Variants in COL11A1 observed in about 807,000 individuals in gnomAD.
COL11A1 encodes the protein collagen alpha-1(XI) chain.
Under a neutral mutation model 265.2 loss-of-function variants are expected in COL11A1, and 74 were observed. That is an observed-to-expected ratio of 0.28 (90% CI 0.23 to 0.34). The LOEUF (loss-of-function observed/expected upper bound fraction) is 0.34, where lower values mean the gene tolerates loss of function less well. Among genes scored for constraint, COL11A1 ranks in the 10% least tolerant of loss-of-function variants. The pLI, the probability that COL11A1 is intolerant of heterozygous loss-of-function variation, is 1.00. For synonymous variants in COL11A1, 816 were observed against 727.6 expected, an observed-to-expected ratio of 1.12 and a Z score of -1.96; for missense variants, 2,165 against 2,263.6, an observed-to-expected ratio of 0.96 and a Z score of 0.88.
intron 46 of COL11A1, among the ~76,000 whole-genome samples, chr1:102,926,375 A>ATG (rs140351698): frequency 4.7e-4 from 72 of 152,098 alleles, no homozygotes; most frequent in Non-Finnish European, 8.7e-4. Context: ...CACTCCATAT[A>ATG]TGTGTGTGTG....
In COL11A1 at chr1:103,001,980, A is replaced by G. The variant is rs888373125; in HGVS notation, c.2098-11T>C. On this transcript the variant is annotated splice_polypyrimidine_tract_variant and intron_variant, in intron 23 of 66. Transcript: ENST00000370096. ...TGGACCAGGAAGACCCTATTTTAAAAGAATTTATTTCATATATCAGATATC... is the reference window on the plus strand; with the variant it reads ...TGGACCAGGAAGACCCTATTTTAAAGGAATTTATTTCATATATCAGATATC... The G allele has an allele frequency of 2.5e-6, 4 of 1,609,836 alleles. No homozygotes were observed. Among genetic ancestry groups the G allele is most frequent in the Non-Finnish European group, 2.6e-6 (3 of 1,176,244 alleles).
intron 28 of COL11A1, 84 bp from the exon 29 acceptor site, chr1:102,989,655 T>C: frequency 3.1e-6 from 3 of 960,012 alleles, no homozygotes; most frequent in Admixed American, 4.0e-5. Context: ...ATTTATGTGC[T>C]GATAACGAGG....
At chr1:102,894,271 C>T (rs1249702111) in intron 57 of COL11A1, among the ~76,000 whole-genome samples, 2 of 152,084 alleles carry the variant, frequency 1.3e-5, no homozygotes, top group Non-Finnish European at 2.9e-5. Context: ...TGGTGGCTCA[C>T]GCCTGTAATC....
intron 4 of COL11A1, among the ~76,000 whole-genome samples, chr1:103,074,327 A>G (rs1671806223): frequency 6.6e-6 from 1 of 152,100 alleles, no homozygotes; most frequent in Non-Finnish European, 1.5e-5. Flanking sequence ...AAAATAATAC[A>G]AACTACTAAG....
intron 5 of COL11A1, among the ~76,000 whole-genome samples, chr1:103,028,264 C>G (rs1275781709): frequency 6.6e-6 from 1 of 152,054 alleles, no homozygotes; most frequent in Admixed American, 6.6e-5. Context: ...GAACTCCTGA[C>G]CTCAGGTGAT....
At chr1:102,912,104 T>G (rs2101016193) in intron 54 of COL11A1, 55 bp downstream of exon 54, 3 of 1,385,644 alleles carry the variant, frequency 2.2e-6, no homozygotes, top group East Asian at 2.4e-5. Flanking sequence ...TTATATAAAT[T>G]TATCCATGGT....
At chr1:102,920,084 T>G (rs1655799981) in intron 49 of COL11A1, among the ~76,000 whole-genome samples, 1 of 152,054 alleles carries the variant, frequency 6.6e-6, no homozygotes, top group South Asian at 2.1e-4. Context: ...GGTTCCTGCT[T>G]AAAGAACATA....
chr1:103,105,758 G>C (rs1425954654), intron 1 of COL11A1, among the ~76,000 whole-genome samples: 1 of 152,032 alleles, frequency 6.6e-6, no homozygotes, highest in Non-Finnish European at 1.5e-5. Flanking sequence ...TTTTTCCCTT[G>C]TGTGGTGATT....
intron 58 of COL11A1, among the ~76,000 whole-genome samples, chr1:102,890,223 T>C (rs2100862521): frequency 6.6e-6 from 1 of 152,254 alleles, no homozygotes; most frequent in East Asian, 1.9e-4. Context: ...ATGGTTGCTA[T>C]AATGGAACCT....
chr1:103,040,914 T>C (rs959946488), intron 4 of COL11A1, among the ~76,000 whole-genome samples: 10 of 151,800 alleles, frequency 6.6e-5, no homozygotes, highest in African/African-American at 2.2e-4. Flanking sequence ...AGATTATGTA[T>C]ATTTTACATT....
intron 63 of COL11A1, among the ~76,000 whole-genome samples, chr1:102,883,810 A>T (rs532468544): frequency 1.0e-4 from 11 of 105,106 alleles, no homozygotes; most frequent in East Asian, 4.6e-4. Flanking sequence ...TTATTTTATA[A>T]AAAAAAAAAA....
rs11811864 is a variant in COL11A1, at chr1:103,080,349, C to A, written c.275-1478G>T. Among the ~76,000 whole-genome samples the A allele has an allele frequency of 9.6e-3, 1,457 of 151,588 alleles. 17 individuals carry two copies. Among genetic ancestry groups the A allele is most frequent in the African/African-American group, 0.034 (1,391 of 41,372 alleles). On this transcript the variant is annotated intron_variant, in intron 2 of 66. Transcript: ENST00000370096. ...ATTACATTTAACTAAAAAGTATTTA[C>A]AAAGCAAAAGAAAAAATTAACAAAG...
rs752921387 is a variant in COL11A1, at chr1:102,898,178, C to T, written c.4249G>A (p.Gly1417Arg). ...GCAGCTCCAGGGAGACCTTGTTCTCCCTAGAGAAAATAAAAATGATTGATT... is the reference window on the plus strand; with the variant it reads ...GCAGCTCCAGGGAGACCTTGTTCTCTCTAGAGAAAATAAAAATGATTGATT... ...EGLRGIPGPV[G>R]EQGLPGAAGQ... The change falls in exon 57 of 67, where the codon GGA (glycine) becomes AGA (arginine). Residue 1417 changes from glycine (G) to arginine (R), a missense_variant and splice_region_variant. By Grantham distance (125) the Gly-to-Arg change is moderately radical (BLOSUM62 -2). Coordinates refer to ENST00000370096, the MANE Select transcript of COL11A1 (RefSeq NM_001854.4). 9 of 1,355,652 alleles carry T rather than the reference C, an allele frequency of 6.6e-6. No homozygotes were observed. In the Admixed American group the frequency reaches 1.3e-4, roughly 20 times the overall value. 84.0% of individuals were successfully genotyped at this position (1,355,652 alleles called of 1,614,324 possible).
At position 103,001,874 on chromosome 1, in the gene COL11A1, G is replaced by T. The variant is rs368004263; in HGVS notation, c.2142+51C>A. 2.7e-5 allele frequency: 42 copies of T among 1,560,746 alleles called. No individual in the cohort carries two copies. The African/African-American group carries it at 5.2e-4, about 19-fold the overall frequency. ...GCAGACCTTATACCTGCCTAAGATT[G>T]CTAAAACAAACATGTTCACCAGGCT... On this transcript the variant is annotated intron_variant, in intron 24 of 66. Coordinates refer to ENST00000370096, the MANE Select transcript of COL11A1 (RefSeq NM_001854.4).
chr1:102,913,224 G>T (rs973725524), intron 53 of COL11A1, among the ~76,000 whole-genome samples: 1 of 152,028 alleles, frequency 6.6e-6, no homozygotes, highest in Non-Finnish European at 1.5e-5. Context: ...TTTTTAAAAA[G>T]GCCTATACTA....
intron 10 of COL11A1, 48 bp from the exon 11 acceptor site, chr1:103,017,930 T>C: frequency 1.4e-6 from 2 of 1,394,528 alleles, no homozygotes; most frequent in South Asian, 1.2e-5. Context: ...ATCTCATTAA[T>C]ATTTAGATGA....
chr1:103,029,084 T>C (rs1449007065), intron 5 of COL11A1, among the ~76,000 whole-genome samples: 4 of 152,086 alleles, frequency 2.6e-5, no homozygotes, highest in African/African-American at 4.8e-5. Flanking sequence ...TGTAAAGTTA[T>C]GTCAAGCATA....
At chr1:103,062,620 T>C (rs1670759672) in intron 4 of COL11A1, among the ~76,000 whole-genome samples, 1 of 151,982 alleles carries the variant, frequency 6.6e-6, no homozygotes. Context: ...AAATACAGCA[T>C]TCATTCATGA....
chr1:102,992,849 T>C (rs1277698018), intron 28 of COL11A1, among the ~76,000 whole-genome samples: 2 of 152,168 alleles, frequency 1.3e-5, no homozygotes, highest in Non-Finnish European at 2.9e-5. Flanking sequence ...CCAGAACTTT[T>C]GGTTCCCAAT....
Sources: allele counts gnomAD v4.1 joint callset (sites outside exome capture counted in the v4.1 genomes callset), GRCh38; gene constraint gnomAD v4.1.1; transcripts MANE v1.5; gene names NCBI Gene and HGNC (gene_info 2026-07-23, HGNC 2026-07-21).